The following CMPK1 variants were observed in gnomAD, a reference collection of about 807,000 sequenced individuals.
The protein encoded by CMPK1 is UMP-CMP kinase.
CMPK1 carries 10 observed loss-of-function variants against 25.7 expected under a neutral mutation model. The observed-to-expected ratio is 0.39, with a 90% CI of 0.24 to 0.66. The LOEUF is 0.66. Ranked by LOEUF, CMPK1 falls within the 30% of genes least tolerant of loss-of-function variation. CMPK1 has a pLI of 0.48. For synonymous variants in CMPK1, 106 were observed against 101.5 expected (o/e 1.04, Z -0.27); for missense variants, 199 against 280.5 (o/e 0.71, Z 2.08).
In CMPK1 at chr1:47,376,809, C is replaced by A; in HGVS notation, c.*64C>A. 2 of 922,810 alleles carry A rather than the reference C, an allele frequency of 2.2e-6. No homozygotes were observed. Among genetic ancestry groups the A allele is most frequent in the Non-Finnish European group, 1.7e-6 (1 of 579,728 alleles). 57.2% of individuals were successfully genotyped at this position (922,810 alleles called of 1,614,324 possible). A position where few individuals can be genotyped will look rare whatever the true frequency, so the allele number is the denominator to read the frequency against. On this transcript the variant is annotated 3_prime_UTR_variant, in exon 6 of 6. Coordinates refer to ENST00000371873, the MANE Select transcript of CMPK1 (RefSeq NM_016308.3). ...ATTGCTTTGATAGCTGCTATCATGA[C>A]CCCTTTTTAAGGCAATTCTAATCTT...
At chr1:47,362,371 A>G (rs1646609792) in intron 1 of CMPK1, among the ~76,000 whole-genome samples, 2 of 120,038 alleles carry the variant, frequency 1.7e-5, no homozygotes, top group Non-Finnish European at 3.5e-5. Flanking sequence ...GGGTTTCACC[A>G]TGGCCAGGCT....
chr1:47,343,837 A>G (rs1646462864), intron 1 of CMPK1, among the ~76,000 whole-genome samples: 1 of 151,580 alleles, frequency 6.6e-6, no homozygotes, highest in South Asian at 2.1e-4. Flanking sequence ...CGGTGAGCCG[A>G]GATCGCGCCA....
At chr1:47,361,960 TC>T (rs1438755763) in intron 1 of CMPK1, among the ~76,000 whole-genome samples, 2 of 144,920 alleles carry the variant, frequency 1.4e-5, no homozygotes, top group Non-Finnish European at 3.0e-5. Flanking sequence ...AACCTCCGCC[TC>T]CCAGGTTCAA....
intron 1 of CMPK1, among the ~76,000 whole-genome samples, chr1:47,363,632 C>T (rs1036691351): frequency 3.3e-5 from 5 of 149,296 alleles, no homozygotes; most frequent in African/African-American, 7.4e-5. Context: ...AGTGAGACTC[C>T]GCCTCAAAAA....
intron 1 of CMPK1, among the ~76,000 whole-genome samples, chr1:47,361,333 G>A (rs1646600008): frequency 6.6e-6 from 1 of 152,158 alleles, no homozygotes; most frequent in African/African-American, 2.4e-5. Flanking sequence ...AGGTTGCAGT[G>A]AGCCGAGATC....
intron 1 of CMPK1, among the ~76,000 whole-genome samples, chr1:47,362,316 C>T (rs1646609341): frequency 2.6e-5 from 4 of 151,100 alleles, no homozygotes; most frequent in Admixed American, 6.6e-5. Context: ...ATTACAGGCA[C>T]ACACCACCAC....
chr1:47,366,403 T>A (rs1431762845), intron 1 of CMPK1, among the ~76,000 whole-genome samples: 2 of 152,210 alleles, frequency 1.3e-5, no homozygotes, highest in Non-Finnish European at 2.9e-5. Flanking sequence ...GCTTCAGTGA[T>A]TACTTAATGA....
intron 1 of CMPK1, among the ~76,000 whole-genome samples, chr1:47,352,454 A>G (rs1366854091): frequency 6.6e-6 from 1 of 150,632 alleles, no homozygotes; most frequent in African/African-American, 2.4e-5. Flanking sequence ...TGTAACTGGT[A>G]TCTATATAGT....
intron 1 of CMPK1, among the ~76,000 whole-genome samples, chr1:47,343,588 G>C (rs1646458576): frequency 6.6e-6 from 1 of 151,552 alleles, no homozygotes; most frequent in South Asian, 2.1e-4. Flanking sequence ...TGAGAGCCAG[G>C]CACTGTGATA....
intron 1 of CMPK1, among the ~76,000 whole-genome samples, chr1:47,353,757 C>G (rs933270929): frequency 6.6e-6 from 1 of 152,152 alleles, no homozygotes; most frequent in Non-Finnish European, 1.5e-5. Flanking sequence ...CACTCTGTCA[C>G]CCAGGCTGGA....
chr1:47,374,631 A>C (rs781437571), intron 3 of CMPK1, among the ~76,000 whole-genome samples: 1 of 152,204 alleles, frequency 6.6e-6, no homozygotes, highest in Non-Finnish European at 1.5e-5. Flanking sequence ...GGAATCATAC[A>C]CATACAGATC....
chr1:47,360,397 T>G (rs924672060), intron 1 of CMPK1, among the ~76,000 whole-genome samples: 6 of 152,194 alleles, frequency 3.9e-5, no homozygotes, highest in Non-Finnish European at 8.8e-5. Context: ...GCTATAATCC[T>G]CTATTATCTG....
intron 1 of CMPK1, among the ~76,000 whole-genome samples, chr1:47,337,491 T>C (rs1340377415): frequency 3.3e-5 from 5 of 152,174 alleles, no homozygotes; most frequent in Non-Finnish European, 5.9e-5. Context: ...TCTTCTTTAA[T>C]GAAAAGTATT....
intron 1 of CMPK1, among the ~76,000 whole-genome samples, chr1:47,346,280 C>T (rs936246132): frequency 6.6e-6 from 1 of 151,730 alleles, no homozygotes; most frequent in Non-Finnish European, 1.5e-5. Flanking sequence ...GAACTCATGA[C>T]CTCGTGATCC....
intron 2 of CMPK1, among the ~76,000 whole-genome samples, chr1:47,370,979 TA>T (rs1646674722): frequency 6.6e-6 from 1 of 151,348 alleles, no homozygotes; most frequent in Admixed American, 6.6e-5. Context: ...AATAAATAAA[TA>T]AATGTCACAT....
intron 1 of CMPK1, among the ~76,000 whole-genome samples, chr1:47,362,020 G>A (rs1395408391): frequency 4.0e-5 from 6 of 151,384 alleles, no homozygotes; most frequent in Non-Finnish European, 7.4e-5. Flanking sequence ...ACAGGCATGC[G>A]CCACTATGCC....
chr1:47,369,779 CT>C (rs1646664184), intron 2 of CMPK1, among the ~76,000 whole-genome samples: 1 of 151,354 alleles, frequency 6.6e-6, no homozygotes, highest in African/African-American at 2.4e-5. Flanking sequence ...CCATGATGGT[CT>C]CGATCTCTTG....
At chr1:47,358,400 A>G (rs906257698) in intron 1 of CMPK1, 3 of 1,272,854 alleles carry the variant, frequency 2.4e-6, no homozygotes, top group Non-Finnish European at 3.1e-6. Flanking sequence ...GGCATGAGCC[A>G]CAGTGCGTAG....
At chr1:47,347,345 G>A (rs1476480905) in intron 1 of CMPK1, among the ~76,000 whole-genome samples, 3 of 151,794 alleles carry the variant, frequency 2.0e-5, no homozygotes, top group Non-Finnish European at 4.4e-5. Context: ...GAGTAGCTGG[G>A]ACTACAGGCA....
Sources: gnomAD v4.1 joint callset for allele counts (sites outside exome capture counted in the v4.1 genomes callset) on GRCh38, gnomAD v4.1.1 for gene constraint, MANE v1.5 for transcripts, NCBI Gene and HGNC (gene_info 2026-07-23, HGNC 2026-07-21) for gene names.